PROM1: variants seen among roughly 807,000 people sequenced by gnomAD.
The protein encoded by PROM1 is prominin-1.
A neutral mutation model predicts 116.9 loss-of-function variants in PROM1; 105 were observed. That is an observed-to-expected ratio of 0.90 (90% CI 0.77 to 1.06). The LOEUF is 1.06. PROM1 is among the 50% of genes least tolerant of loss of function. PROM1 has a pLI of 0.00. For synonymous variants in PROM1, 393 were observed against 387.0 expected (o/e 1.02, Z -0.18); for missense variants, 1,122 against 1,045.2 (o/e 1.07, Z -1.01).
At chr4:16,054,942 A>C (rs1199045565) in intron 2 of PROM1, among the ~76,000 whole-genome samples, 1 of 152,094 alleles carries the variant, frequency 6.6e-6, no homozygotes, top group Non-Finnish European at 1.5e-5. Flanking sequence ...GCAACTCATA[A>C]CTCACTTGTG....
intron 2 of PROM1, among the ~76,000 whole-genome samples, chr4:16,063,489 G>C (rs559245354): frequency 6.6e-6 from 1 of 152,090 alleles, no homozygotes; most frequent in African/African-American, 2.4e-5. Context: ...CCAGCTACTC[G>C]GGAGGCCGAA....
Position 16,006,740 on chromosome 4 carries a change from C to T in PROM1, c.1302-50G>A, listed in dbSNP as rs754771445. ...TATACATGACACAGGTGACGCCACC[C>T]TAACACAAAAGCTGCTGGACTAAGG... On this transcript the variant is annotated intron_variant, in intron 12 of 27. Coordinates refer to ENST00000447510, the MANE Select transcript of PROM1 (RefSeq NM_006017.3). The T allele has an allele frequency of 3.2e-6, 5 of 1,580,218 alleles. No homozygotes were observed. The South Asian group carries it at 5.7e-5, about 18-fold the overall frequency.
chr4:15,988,652 G>T (rs1720124260), intron 19 of PROM1, among the ~76,000 whole-genome samples: 1 of 152,218 alleles, frequency 6.6e-6, no homozygotes, highest in African/African-American at 2.4e-5. Context: ...TTGTGGACAG[G>T]TTGCCCTAGC....
chr4:16,006,497 G>A (rs750973960), intron 13 of PROM1, 41 bp downstream of exon 13: 1 of 1,539,986 alleles, frequency 6.5e-7, no homozygotes, highest in South Asian at 1.2e-5. Flanking sequence ...TCTCTCTCCT[G>A]CATTCCCACT....
chr4:16,058,902 T>C (rs1245881029), intron 2 of PROM1, among the ~76,000 whole-genome samples: 1 of 152,158 alleles, frequency 6.6e-6, no homozygotes, highest in Non-Finnish European at 1.5e-5. Context: ...GCCCAGCTCT[T>C]AACTCTGGAG....
chr4:15,999,197 C>T (rs929722908), intron 14 of PROM1, among the ~76,000 whole-genome samples: 15 of 152,136 alleles, frequency 9.9e-5, no homozygotes, highest in South Asian at 8.3e-4. Flanking sequence ...CTTGGCCGGG[C>T]GCTGTGGCTC....
intron 19 of PROM1, among the ~76,000 whole-genome samples, 161 bp from the exon 20 acceptor site, chr4:15,987,877 CTTT>C (rs56144936): frequency 3.8e-5 from 5 of 132,352 alleles, no homozygotes; most frequent in Admixed American, 7.8e-5. Flanking sequence ...TGTGTACTTT[CTTT>C]TTTTTTTTTT....
intron 2 of PROM1, among the ~76,000 whole-genome samples, chr4:16,060,781 T>A (rs1740135816): frequency 6.6e-6 from 1 of 152,240 alleles, no homozygotes; most frequent in South Asian, 2.1e-4. Context: ...TATTTGCGTT[T>A]TTCCCAACAT....
At chr4:16,065,788 G>A (rs1741392398) in intron 2 of PROM1, among the ~76,000 whole-genome samples, 1 of 152,228 alleles carries the variant, frequency 6.6e-6, no homozygotes, top group Admixed American at 6.5e-5. Context: ...AGCAGGAGTA[G>A]CAGGCTGAAT....
intron 25 of PROM1, 86 bp from the exon 26 acceptor site, chr4:15,979,549 G>T (rs1717221289): frequency 4.1e-6 from 6 of 1,457,918 alleles, no homozygotes; most frequent in Non-Finnish European, 4.5e-6. Context: ...CAATGTAATG[G>T]TCATGAAAAG....
chr4:16,004,870 T>TCC, intron 13 of PROM1, among the ~76,000 whole-genome samples: 1 of 135,410 alleles, frequency 7.4e-6, no homozygotes, highest in South Asian at 2.4e-4. Context: ...CCTCTCTCTC[T>TCC]CCCTCTCTCT....
chr4:16,071,470 G>T (rs941329384), intron 2 of PROM1, among the ~76,000 whole-genome samples: 3 of 152,196 alleles, frequency 2.0e-5, no homozygotes, highest in African/African-American at 7.2e-5. Flanking sequence ...GTGTTGAAGC[G>T]TTAACCCCTG....
At chr4:16,056,501 G>T (rs1364763271) in intron 2 of PROM1, among the ~76,000 whole-genome samples, 1 of 152,058 alleles carries the variant, frequency 6.6e-6, no homozygotes, top group Non-Finnish European at 1.5e-5. Context: ...AAGATGTTTA[G>T]AGTCTATCAA....
chr4:16,065,734 T>A (rs1386953234), intron 2 of PROM1, among the ~76,000 whole-genome samples: 59 of 152,210 alleles, frequency 3.9e-4, no homozygotes, highest in Non-Finnish European at 8.8e-5. Context: ...TTGCTTAATA[T>A]CTCTGAGCAG....
chr4:15,992,296 A>C lies in PROM1; in HGVS notation c.1863T>G (p.Phe621Leu), dbSNP rs1721260963. Residue 621 changes from phenylalanine (F) to leucine (L), a missense_variant, in exon 17 of 28, where the codon TTT (phenylalanine) becomes TTG (leucine). Transcript: ENST00000447510. ...GAAGRKNLQD[F>L]AACGIDRMNY... ...TCATTCTGTCTATTCCACAAGCAGC[A>C]AAATCCTGAAGGTTTTTTCTTCCTG... 6.2e-7 allele frequency: 1 copy of C among 1,613,956 alleles called. No homozygotes were observed. Among genetic ancestry groups the C allele is most frequent in the Non-Finnish European group, 8.5e-7 (1 of 1,179,844 alleles).
At chr4:16,016,438 G>A (rs1311132229) in intron 9 of PROM1, among the ~76,000 whole-genome samples, 198 bp from the exon 10 acceptor site, 1 of 152,084 alleles carries the variant, frequency 6.6e-6, no homozygotes, top group Non-Finnish European at 1.5e-5. Context: ...ATTTTTTGAT[G>A]TCTGGAGGTC....
At chr4:15,984,205 G>A in intron 23 of PROM1, 58 bp downstream of exon 23, 1 of 1,369,396 alleles carries the variant, frequency 7.3e-7, no homozygotes, top group Non-Finnish European at 1.0e-6. Flanking sequence ...TCATAATCCA[G>A]AAAAACAACC....
chr4:15,980,558 G>T, intron 23 of PROM1, 21 bp from the exon 24 acceptor site: 1 of 1,347,574 alleles, frequency 7.4e-7, no homozygotes, highest in African/African-American at 1.5e-5. Context: ...AAAATCAGAA[G>T]AATTAAATGT....
In PROM1 at chr4:15,979,996, G is replaced by A. The variant is rs916485990; in HGVS notation, c.2490-92C>T. On this transcript the variant is annotated intron_variant, in intron 24 of 27. Coordinates refer to ENST00000447510, the MANE Select transcript of PROM1 (RefSeq NM_006017.3). ...TCCCCCAAATATTTACTCTAACACG[G>A]ATACTGACAGTGCAAACTCAGGAAA... 4 of 770,502 alleles carry A rather than the reference G, an allele frequency of 5.2e-6. No homozygotes were observed. In the Admixed American group the frequency reaches 9.4e-5, roughly 18 times the overall value. 47.7% of individuals were successfully genotyped at this position (770,502 alleles called of 1,614,324 possible).
Sources: allele counts gnomAD v4.1 joint callset (sites outside exome capture counted in the v4.1 genomes callset), GRCh38; gene constraint gnomAD v4.1.1; transcripts MANE v1.5; gene names NCBI Gene and HGNC (gene_info 2026-07-23, HGNC 2026-07-21).